Variants in LMOD3 observed in about 807,000 individuals in gnomAD.
The protein encoded by LMOD3 is leiomodin-3.
Under a neutral mutation model 41.8 loss-of-function variants are expected in LMOD3, and 31 were observed. The observed-to-expected ratio is 0.74, with a 90% CI of 0.56 to 1.00. LMOD3 has a LOEUF of 1.00. Ranked by LOEUF, LMOD3 falls within the 50% of genes least tolerant of loss-of-function variation. The pLI is 0.00. For synonymous variants in LMOD3, 292 were observed against 241.9 expected (o/e 1.21, Z -1.92); for missense variants, 755 against 679.5 (o/e 1.11, Z -1.23).
rs200877403 is a variant in LMOD3 at position 69,119,006 on chromosome 3, G to T, written c.1349C>A (p.Pro450Gln). Residue 450 changes from proline (P) to glutamine (Q), a missense_variant, in exon 2 of 3, where the codon CCG becomes CAG. By Grantham distance (76) the Pro-to-Gln change is moderately conservative (BLOSUM62 -1). Transcript: ENST00000420581. ...TTGGGGGTTGGGAGGCCGAGGTGGCGGTGGCTGGAAGAATTCCTGCATTCT... is the reference window on the plus strand; with the variant it reads ...TTGGGGGTTGGGAGGCCGAGGTGGCTGTGGCTGGAAGAATTCCTGCATTCT... ...DSRMQEFFQP[P>Q]PPRPPNPQNV... 6 of 1,613,486 alleles carry T rather than the reference G, an allele frequency of 3.7e-6. No homozygotes were observed. The highest frequency in any genetic ancestry group is 1.1e-5 in the South Asian group (1 of 91,044).
chr3:69,112,490 G>A (rs1281279105), intron 2 of LMOD3, among the ~76,000 whole-genome samples: 2 of 152,184 alleles, frequency 1.3e-5, no homozygotes, highest in African/African-American at 4.8e-5. Flanking sequence ...TAAAAGAGGT[G>A]TGGACAAAAA....
Position 69,119,421 on chromosome 3 carries a change from T to C in LMOD3, c.934A>G (p.Ile312Val). The change falls in exon 2 of 3, where the codon ATC becomes GTC. Residue 312 changes from isoleucine to valine, a missense_variant. Transcript: ENST00000420581. The part of the protein sequence containing the change: ...LANMLRENRS[I>V]TTLNIESNFI... Reference sequence around the variant, plus strand: ...TTGGACTCGATGTTGAGAGTGGTGATGCTTCTATTTTCACGCAACATGTTA... The same window carrying C: ...TTGGACTCGATGTTGAGAGTGGTGACGCTTCTATTTTCACGCAACATGTTA... The C allele has an allele frequency of 6.2e-7, 1 of 1,614,038 alleles. No individual in the cohort carries two copies. The highest frequency in any genetic ancestry group is 8.5e-7 in the Non-Finnish European group (1 of 1,179,906).
Position 69,122,233 on chromosome 3 carries a change from T to C in LMOD3, c.154A>G (p.Met52Val). 3 of 1,613,664 alleles carry C rather than the reference T, an allele frequency of 1.9e-6. No homozygotes were observed. Among genetic ancestry groups the C allele is most frequent in the Non-Finnish European group, 2.5e-6 (3 of 1,179,780 alleles). The change falls in exon 1 of 3, where the codon ATG becomes GTG. Residue 52 changes from methionine to valine, a missense_variant. Met to Val is a conservative substitution (Grantham distance 21). Transcript: ENST00000420581. ...MAPDPSLPVG[M>V]IQKDQTDKPP... is the part of the protein sequence containing the mutation. ...TTGTCAGTTTGATCTTTCTGAATCA[T>C]TCCCACGGGAAGGCTGGGGTCAGGG...
intron 2 of LMOD3, among the ~76,000 whole-genome samples, chr3:69,111,629 G>A (rs1013419390): frequency 3.3e-5 from 5 of 152,276 alleles, no homozygotes; most frequent in African/African-American, 9.6e-5. Context: ...AGGCTGGAGC[G>A]CAGTGGTGCA....
At position 69,122,196 on chromosome 3, in the gene LMOD3, C is replaced by A. The variant is rs751814271; in HGVS notation, c.191G>T (p.Gly64Val). 6 of 1,613,450 alleles carry A rather than the reference C, an allele frequency of 3.7e-6. No homozygotes were observed. The South Asian group carries it at 4.4e-5, about 12-fold the overall frequency. Residue 64 changes from glycine to valine, a missense_variant, in exon 1 of 3, where the codon GGA becomes GTA. Gly to Val is a moderately radical substitution (Grantham distance 109, BLOSUM62 -3). Transcript: ENST00000420581. Reference sequence around the variant, plus strand: ...AACAAGAGATTTATGATTGAAGTTTCCTGTCGGTGGCTTGTCAGTTTGATC... The same window carrying A: ...AACAAGAGATTTATGATTGAAGTTTACTGTCGGTGGCTTGTCAGTTTGATC... ...QKDQTDKPPT[G>V]NFNHKSLVDY... is the part of the protein sequence containing the mutation.
At position 69,107,453 on chromosome 3, in the gene LMOD3, G is replaced by GTTTTTTTTTTATTT. The variant is rs2092327766; in HGVS notation, c.*1641_*1642insAAATAAAAAAAAAA. 2.7e-5 allele frequency: 1 copy of GTTTTTTTTTTATTT among 37,356 alleles called. No individual in the cohort carries two copies. Among genetic ancestry groups the GTTTTTTTTTTATTT allele is most frequent in the Non-Finnish European group, 5.6e-5 (1 of 17,720 alleles). The allele number at this position is 37,356 out of a possible 1,614,324, so 2.3% of individuals were successfully genotyped here. A position where few individuals can be genotyped will look rare whatever the true frequency, so the allele number is the denominator to read the frequency against. On this transcript the variant is annotated 3_prime_UTR_variant, in exon 3 of 3. Transcript: ENST00000420581. ...AAAGAAGAGAGAAAAGGCACCAAAG[G>GTTTTTTTTTTATTT]TTTTTTTTTTTTTTTTTTTTTTTTT...
chr3:69,115,519 A>ACACACACACACACAC (rs764920392), intron 2 of LMOD3, among the ~76,000 whole-genome samples: 51 of 143,442 alleles, frequency 3.6e-4, no homozygotes, highest in African/African-American at 1.3e-3. Flanking sequence ...CACACACACA[A>ACACACACACACACAC]AACTTTTCTA....
rs773282804 is a variant in LMOD3 at position 69,119,717 on chromosome 3, A to AT, written c.637dup (p.Ile213AsnfsTer7). The AT allele has an allele frequency of 4.3e-6, 7 of 1,613,624 alleles. No homozygotes were observed. In the South Asian group the frequency reaches 6.6e-5, roughly 15 times the overall value. On this transcript the variant is annotated frameshift_variant, in exon 2 of 3. Coordinates refer to ENST00000420581, the MANE Select transcript of LMOD3 (RefSeq NM_198271.5). LOFTEE classifies it high-confidence loss of function. ...TAACTTCTTAGGATCTAATTTCGATATTTTTTTCTCACTTTGTTCTTGGGC... is the reference window on the plus strand; with the variant it reads ...TAACTTCTTAGGATCTAATTTCGATATTTTTTTTCTCACTTTGTTCTTGGGC...
intron 2 of LMOD3, among the ~76,000 whole-genome samples, chr3:69,110,581 G>A (rs1271800314): frequency 6.0e-5 from 9 of 149,596 alleles, no homozygotes; most frequent in East Asian, 4.3e-4. Flanking sequence ...GGTGGCTGAC[G>A]CCTGTAATTC....
At chr3:69,111,898 T>C (rs2092351936) in intron 2 of LMOD3, among the ~76,000 whole-genome samples, 1 of 152,180 alleles carries the variant, frequency 6.6e-6, no homozygotes, top group Admixed American at 6.5e-5. Context: ...GGAAAAGAAA[T>C]AATGAAATAG....
At chr3:69,110,769 G>A (rs1247553256) in intron 2 of LMOD3, among the ~76,000 whole-genome samples, 15 of 144,810 alleles carry the variant, frequency 1.0e-4, no homozygotes, top group African/African-American at 3.8e-4. Context: ...CTTGAACCCG[G>A]GAGGCAGAGG....
chr3:69,107,453 G>GTTTGTTTTTTT lies in LMOD3; in HGVS notation c.*1641_*1642insAAAAAAACAAA, dbSNP rs2092327737. 1 of 37,356 alleles carries GTTTGTTTTTTT rather than the reference G, an allele frequency of 2.7e-5. No homozygotes were observed. Among genetic ancestry groups the GTTTGTTTTTTT allele is most frequent in the African/African-American group, 8.6e-5 (1 of 11,684 alleles). The allele number at this position is 37,356 out of a possible 1,614,324, so 2.3% of individuals were successfully genotyped here. A position where few individuals can be genotyped will look rare whatever the true frequency, so the allele number is the denominator to read the frequency against. On this transcript the variant is annotated 3_prime_UTR_variant, in exon 3 of 3. Coordinates refer to ENST00000420581, the MANE Select transcript of LMOD3 (RefSeq NM_198271.5). ...AAAGAAGAGAGAAAAGGCACCAAAG[G>GTTTGTTTTTTT]TTTTTTTTTTTTTTTTTTTTTTTTT...
At position 69,119,406 on chromosome 3, in the gene LMOD3, T is replaced by C; in HGVS notation, c.949A>G (p.Ile317Val). 1 of 1,614,006 alleles carries C rather than the reference T, an allele frequency of 6.2e-7. No individual in the cohort carries two copies. Among genetic ancestry groups the C allele is most frequent in the Non-Finnish European group, 8.5e-7 (1 of 1,179,896 alleles). Residue 317 changes from isoleucine (I) to valine (V), a missense_variant, in exon 2 of 3, where the codon ATC (isoleucine) becomes GTC (valine). By Grantham distance (29) the Ile-to-Val change is conservative (BLOSUM62 3). Coordinates refer to ENST00000420581, the MANE Select transcript of LMOD3 (RefSeq NM_198271.5). ...RENRSITTLN[I>V]ESNFITGKGI... Reference sequence around the variant, plus strand: ...TTACCTGTGATGAAATTGGACTCGATGTTGAGAGTGGTGATGCTTCTATTT... The same window carrying C: ...TTACCTGTGATGAAATTGGACTCGACGTTGAGAGTGGTGATGCTTCTATTT...
Position 69,122,116 on chromosome 3 carries a change from G to T in LMOD3, c.271C>A (p.Pro91Thr), listed in dbSNP as rs955517476. 6.2e-7 allele frequency: 1 copy of T among 1,612,010 alleles called. No individual in the cohort carries two copies. The highest frequency in any genetic ancestry group is 1.1e-5 in the South Asian group (1 of 90,598). The change falls in exon 1 of 3, where the codon CCT (proline) becomes ACT (threonine). Residue 91 changes from proline (P) to threonine (T), a missense_variant. Pro to Thr is a conservative substitution (Grantham distance 38, BLOSUM62 -1). Transcript: ENST00000420581. ...ACCTCGGATTTCACAAAGGTGACAG[G>T]AACTCGTTCCTCTTCCAGCATGCGC... ...SRRMLEEERV[P>T]VTFVKSEEKT...
chr3:69,119,605 T>A lies in LMOD3; in HGVS notation c.750A>T (p.Lys250Asn). 6.2e-7 allele frequency: 1 copy of A among 1,613,830 alleles called. No homozygotes were observed. ...DLDGSLRRVR[K>N]NDPDMKELNL... ...TGAGTTCCTTCATGTCAGGATCATTTTTCCTAACTCTCCTCAAGCTCCCAT... is the reference window on the plus strand; with the variant it reads ...TGAGTTCCTTCATGTCAGGATCATTATTCCTAACTCTCCTCAAGCTCCCAT... Residue 250 changes from lysine to asparagine, a missense_variant, in exon 2 of 3, where the codon AAA becomes AAT. Physicochemically the swap from Lys to Asn is moderately conservative, Grantham distance 94. Coordinates refer to ENST00000420581, the MANE Select transcript of LMOD3 (RefSeq NM_198271.5).
At chr3:69,109,491 A>T (rs1457553225) in intron 2 of LMOD3, among the ~76,000 whole-genome samples, 1 of 143,470 alleles carries the variant, frequency 7.0e-6, no homozygotes, top group Admixed American at 6.9e-5. Flanking sequence ...TCACAAGGCT[A>T]TTATACAAGT....
In LMOD3 at chr3:69,119,483, T is replaced by C. The variant is rs768467240; in HGVS notation, c.872A>G (p.Asn291Ser). 11 of 1,613,850 alleles carry C rather than the reference T, an allele frequency of 6.8e-6. No individual in the cohort carries two copies. Among genetic ancestry groups the C allele is most frequent in the Admixed American group, 1.7e-5 (1 of 60,008 alleles). ...NKHIKTFSLA[N>S]VGADENVAFA... Reference sequence around the variant, plus strand: ...TGCTACATTCTCATCTGCACCCACATTGGCTAAACTGAATGTTTTGATGTG... The same window carrying C: ...TGCTACATTCTCATCTGCACCCACACTGGCTAAACTGAATGTTTTGATGTG... Residue 291 changes from asparagine to serine, a missense_variant, in exon 2 of 3, where the codon AAT becomes AGT. Physicochemically the swap from Asn to Ser is conservative, Grantham distance 46. Coordinates refer to ENST00000420581, the MANE Select transcript of LMOD3 (RefSeq NM_198271.5).
At chr3:69,120,742 A>G (rs1250379907) in intron 1 of LMOD3, among the ~76,000 whole-genome samples, 2 of 152,060 alleles carry the variant, frequency 1.3e-5, no homozygotes, top group East Asian at 3.9e-4. Context: ...TTACTATCCC[A>G]GTTTCTTGTG....
chr3:69,109,287 C>T (rs2092337410), intron 2 of LMOD3, among the ~76,000 whole-genome samples, 166 bp from the exon 3 acceptor site: 1 of 152,110 alleles, frequency 6.6e-6, no homozygotes, highest in Non-Finnish European at 1.5e-5. Flanking sequence ...TAACCACAGC[C>T]ACCATTTATT....
Sources: gnomAD v4.1 joint callset for allele counts (sites outside exome capture counted in the v4.1 genomes callset) on GRCh38, gnomAD v4.1.1 for gene constraint, MANE v1.5 for transcripts, NCBI Gene and HGNC (gene_info 2026-07-23, HGNC 2026-07-21) for gene names.